FBXL7: variants seen among roughly 807,000 people sequenced by gnomAD.
The protein encoded by FBXL7 is F-box/LRR-repeat protein 7.
Under a neutral mutation model 38.3 loss-of-function variants are expected in FBXL7, and 12 were observed. The ratio of observed to expected loss-of-function variants is 0.31; its 90% CI spans 0.20 to 0.51. FBXL7 has a LOEUF of 0.51. Ranked by LOEUF, FBXL7 falls within the 20% of genes least tolerant of loss-of-function variation. FBXL7 has a pLI of 0.98. For missense variants in FBXL7, 567 were observed against 676.4 expected (o/e 0.84, Z 1.79); for synonymous variants, 297 against 300.9 (o/e 0.99, Z 0.13).
At chr5:15,925,069 CTCTG>C (rs60114650) in intron 2 of FBXL7, among the ~76,000 whole-genome samples, 1 of 152,126 alleles carries the variant, frequency 6.6e-6, no homozygotes, top group East Asian at 1.9e-4. Context: ...AGGAAATATA[CTCTG>C]TCTGAGGTGA....
chr5:15,621,726 A>G (rs1740650318), intron 2 of FBXL7, among the ~76,000 whole-genome samples: 1 of 152,228 alleles, frequency 6.6e-6, no homozygotes. Flanking sequence ...ATAAAGAGTC[A>G]GCTTTGGCCA....
At chr5:15,601,810 ATC>A (rs1739802944) in intron 1 of FBXL7, among the ~76,000 whole-genome samples, 1 of 152,222 alleles carries the variant, frequency 6.6e-6, no homozygotes, top group African/African-American at 2.4e-5. Context: ...ATGTTGGAGT[ATC>A]TGCTGGGTTG....
chr5:15,541,087 T>C (rs548765519), intron 1 of FBXL7, among the ~76,000 whole-genome samples: 3 of 151,920 alleles, frequency 2.0e-5, no homozygotes, highest in Middle Eastern at 3.4e-3. Flanking sequence ...TGTGTGCACA[T>C]AGGAGTATGT....
chr5:15,856,781 T>C (rs1739285601), intron 2 of FBXL7, among the ~76,000 whole-genome samples: 2 of 152,232 alleles, frequency 1.3e-5, no homozygotes, highest in South Asian at 2.1e-4. Flanking sequence ...ATGATATACA[T>C]ACTTGTGTTT....
chr5:15,803,008 A>G (rs975877522), intron 2 of FBXL7, among the ~76,000 whole-genome samples: 1 of 152,108 alleles, frequency 6.6e-6, no homozygotes, highest in African/African-American at 2.4e-5. Flanking sequence ...CTGTTGACAA[A>G]TTTCATGCTA....
rs1236945358 is a variant in FBXL7 at position 15,928,307 on chromosome 5, C to T, written c.545C>T (p.Pro182Leu). Residue 182 changes from proline (P) to leucine (L), a missense_variant, in exon 3 of 4, where the codon CCC becomes CTC. By Grantham distance (98) the Pro-to-Leu change is moderately conservative (BLOSUM62 -3). Coordinates refer to ENST00000504595, the MANE Select transcript of FBXL7 (RefSeq NM_012304.5). The surrounding 1 kb of genome is among the most constrained non-coding windows in gnomAD (Gnocchi z 4.0). The part of the protein sequence containing the change: ...VLTRRLCQDT[P>L]NVCLMLETVT... ...ACCCGCAGACTCTGCCAGGACACCC[C>T]CAACGTGTGTCTCATGCTGGAAACC... is the stretch of plus-strand genomic sequence containing the variant. The T allele has an allele frequency of 6.2e-7, 1 of 1,613,724 alleles. No individual in the cohort carries two copies. The highest frequency in any genetic ancestry group is 1.7e-5 in the Admixed American group (1 of 59,984).
intron 2 of FBXL7, among the ~76,000 whole-genome samples, chr5:15,653,143 C>T (rs1381594778): frequency 6.6e-6 from 1 of 152,088 alleles, no homozygotes; most frequent in Admixed American, 6.5e-5. Context: ...GCTCATTGGT[C>T]ATTGATCACC....
chr5:15,674,655 A>G (rs761511751), intron 2 of FBXL7, among the ~76,000 whole-genome samples: 30 of 152,182 alleles, frequency 2.0e-4, no homozygotes, highest in Non-Finnish European at 1.6e-4. Flanking sequence ...CACGGAGACA[A>G]TTACTAAATT....
At chr5:15,706,235 G>C (rs1461865988) in intron 2 of FBXL7, among the ~76,000 whole-genome samples, 2 of 152,174 alleles carry the variant, frequency 1.3e-5, no homozygotes, top group African/African-American at 4.8e-5. Context: ...TCATGGCTTG[G>C]TGTTGTCTTC....
intron 1 of FBXL7, among the ~76,000 whole-genome samples, chr5:15,585,746 T>C (rs533149111): frequency 1.6e-4 from 25 of 152,370 alleles, no homozygotes; most frequent in Middle Eastern, 3.4e-3. Context: ...AAAAGTGATA[T>C]AGTTTTATGT....
At chr5:15,674,205 C>T (rs991579556) in intron 2 of FBXL7, among the ~76,000 whole-genome samples, 1 of 152,162 alleles carries the variant, frequency 6.6e-6, no homozygotes, top group Non-Finnish European at 1.5e-5. Context: ...GGGATCACGC[C>T]AGGCTCAATA....
At chr5:15,849,487 T>C (rs1460179425) in intron 2 of FBXL7, among the ~76,000 whole-genome samples, 1 of 152,194 alleles carries the variant, frequency 6.6e-6, no homozygotes, top group East Asian at 1.9e-4. Flanking sequence ...CCCATACCGT[T>C]CTCATGGTAG....
intron 2 of FBXL7, among the ~76,000 whole-genome samples, chr5:15,790,066 T>C (rs1737234589): frequency 6.6e-6 from 1 of 152,208 alleles, no homozygotes; most frequent in Admixed American, 6.5e-5. Context: ...ACACTGATGC[T>C]AAATTATAAT....
intron 2 of FBXL7, among the ~76,000 whole-genome samples, chr5:15,884,385 G>C (rs1024855449): frequency 6.6e-6 from 1 of 151,942 alleles, no homozygotes; most frequent in Non-Finnish European, 1.5e-5. Context: ...TCCTGCCTCA[G>C]CCTCCCGAGT....
intron 2 of FBXL7, among the ~76,000 whole-genome samples, chr5:15,652,167 C>G (rs977495862): frequency 6.6e-6 from 1 of 152,234 alleles, no homozygotes; most frequent in Admixed American, 6.5e-5. Flanking sequence ...GTTTGATCTT[C>G]TCTTAAGACC....
In FBXL7 at chr5:15,574,800, T is replaced by G. The variant is rs1738902712; in HGVS notation, c.38-41183T>G. ...TCATTTGCTTTAAATGAAATACTAGTGCTTGTTGATGTAGGAATTGGAATT... is the reference window on the plus strand; with the variant it reads ...TCATTTGCTTTAAATGAAATACTAGGGCTTGTTGATGTAGGAATTGGAATT... On this transcript the variant is annotated intron_variant, in intron 1 of 3. Transcript: ENST00000504595. Among the ~76,000 whole-genome samples, 3 of 152,180 alleles carry G rather than the reference T, an allele frequency of 2.0e-5. 1 individual carries two copies.
chr5:15,883,041 T>C (rs1056016845), intron 2 of FBXL7, among the ~76,000 whole-genome samples: 1 of 152,292 alleles, frequency 6.6e-6, no homozygotes, highest in South Asian at 2.1e-4. Context: ...AATTATCTCA[T>C]CTTTCAAAAT....
chr5:15,740,492 C>G (rs1387221936), intron 2 of FBXL7, among the ~76,000 whole-genome samples: 3 of 152,106 alleles, frequency 2.0e-5, no homozygotes, highest in African/African-American at 7.2e-5. Context: ...GCACAGAGCT[C>G]TTTAGATTTC....
At chr5:15,717,603 TATA>T (rs1744078982) in intron 2 of FBXL7, among the ~76,000 whole-genome samples, 1 of 152,194 alleles carries the variant, frequency 6.6e-6, no homozygotes, top group East Asian at 1.9e-4. Context: ...CCTTGCATAT[TATA>T]ATGTTTGGAT....
Sources: allele counts gnomAD v4.1 joint callset (sites outside exome capture counted in the v4.1 genomes callset), GRCh38; gene constraint gnomAD v4.1.1; non-coding constraint Gnocchi (gnomAD v3.1); transcripts MANE v1.5; gene names NCBI Gene and HGNC (gene_info 2026-07-23, HGNC 2026-07-21).